The following PTPN14 variants were observed in gnomAD, a reference collection of about 807,000 sequenced individuals.
PTPN14 encodes the protein protein tyrosine phosphatase non-receptor type 14.
Under a neutral mutation model 126.8 loss-of-function variants are expected in PTPN14, and 53 were observed. The ratio of observed to expected loss-of-function variants is 0.42; its 90% CI spans 0.34 to 0.53. The LOEUF (loss-of-function observed/expected upper bound fraction) is 0.53, where lower values mean the gene tolerates loss of function less well. Ranked by LOEUF, PTPN14 falls within the 20% of genes least tolerant of loss-of-function variation. The pLI, the probability that PTPN14 is intolerant of heterozygous loss-of-function variation, is 0.08. For missense variants in PTPN14, 1,257 were observed against 1,552.9 expected (o/e 0.81, Z 3.20); for synonymous variants, 630 against 599.3 (o/e 1.05, Z -0.75).
chr1:214,549,345 TG>T (rs1205524816), intron 1 of PTPN14, among the ~76,000 whole-genome samples: 2 of 152,242 alleles, frequency 1.3e-5, no homozygotes, highest in African/African-American at 4.8e-5. Context: ...TGCAAGATAG[TG>T]TTTTCTATTT....
chr1:214,514,801 G>C (rs1655060741), intron 1 of PTPN14, among the ~76,000 whole-genome samples: 1 of 152,152 alleles, frequency 6.6e-6, no homozygotes, highest in Non-Finnish European at 1.5e-5. Flanking sequence ...GTGCCCTCCA[G>C]TCCTTCCTCT....
At chr1:214,370,997 C>CT (rs1658205590) in intron 16 of PTPN14, among the ~76,000 whole-genome samples, 1 of 152,188 alleles carries the variant, frequency 6.6e-6, no homozygotes, top group African/African-American at 2.4e-5. Context: ...GGAAGCATAC[C>CT]TTCCTCTTTT....
chr1:214,546,066 T>C (rs551050998), intron 1 of PTPN14, among the ~76,000 whole-genome samples: 9 of 152,220 alleles, frequency 5.9e-5, no homozygotes, highest in Non-Finnish European at 1.0e-4. Flanking sequence ...TTCAAACTGG[T>C]GCAGTGAAAA....
intron 3 of PTPN14, among the ~76,000 whole-genome samples, chr1:214,439,108 TA>T (rs1293119585): frequency 1.3e-5 from 2 of 152,250 alleles, no homozygotes; most frequent in Non-Finnish European, 2.9e-5. Context: ...TTTATTGTTT[TA>T]TTTCCAGCTA....
At chr1:214,449,329 CA>C (rs1660220533) in intron 3 of PTPN14, among the ~76,000 whole-genome samples, 1 of 152,208 alleles carries the variant, frequency 6.6e-6, no homozygotes, top group African/African-American at 2.4e-5. Context: ...TAAGCTTAAA[CA>C]ACCTTTTTCT....
intron 1 of PTPN14, among the ~76,000 whole-genome samples, chr1:214,489,711 C>T (rs1277219288): frequency 6.6e-6 from 1 of 152,146 alleles, no homozygotes; most frequent in African/African-American, 2.4e-5. Flanking sequence ...TCCAGAGCCT[C>T]GTAGGGTACT....
At chr1:214,372,863 TA>T (rs1216211874) in intron 15 of PTPN14, 24 bp from the exon 16 acceptor site, 2 of 1,613,072 alleles carry the variant, frequency 1.2e-6, no homozygotes, top group Middle Eastern at 1.7e-4. Context: ...AAAGTATCGG[TA>T]AATAAACCCC....
intron 3 of PTPN14, among the ~76,000 whole-genome samples, chr1:214,421,523 A>G (rs1207315518): frequency 6.6e-6 from 1 of 152,184 alleles, no homozygotes; most frequent in Non-Finnish European, 1.5e-5. Context: ...GGATTTACTC[A>G]GCACCATAAG....
At chr1:214,403,737 A>G (rs1659093445) in intron 5 of PTPN14, among the ~76,000 whole-genome samples, 1 of 152,216 alleles carries the variant, frequency 6.6e-6, no homozygotes, top group Non-Finnish European at 1.5e-5. Context: ...GAATAATCCA[A>G]AATAAGCAGA....
At chr1:214,365,989 A>C (rs962923780) in intron 17 of PTPN14, among the ~76,000 whole-genome samples, 7 of 152,194 alleles carry the variant, frequency 4.6e-5, no homozygotes, top group African/African-American at 1.7e-4. Flanking sequence ...AGATGATGAA[A>C]CCCTGTCTCT....
chr1:214,472,652 G>A lies in PTPN14; in HGVS notation c.-154-7695C>T, dbSNP rs189298286. Among the ~76,000 whole-genome samples the A allele has an allele frequency of 2.0e-3, 297 of 152,252 alleles. 1 individual carries two copies. The highest frequency in any genetic ancestry group is 3.4e-3 in the Non-Finnish European group (230 of 68,016). ...TTAAGGAATCTGGAACCTTAGATGG[G>A]TCTGAATTCTGGCTTCTTAAGAGAG... is the stretch of plus-strand genomic sequence containing the variant. On this transcript the variant is annotated intron_variant, in intron 1 of 18. Coordinates refer to ENST00000366956, the MANE Select transcript of PTPN14 (RefSeq NM_005401.5).
At chr1:214,470,503 C>A (rs1660729485) in intron 1 of PTPN14, among the ~76,000 whole-genome samples, 1 of 152,092 alleles carries the variant, frequency 6.6e-6, no homozygotes, top group African/African-American at 2.4e-5. Context: ...CTGCACTTGG[C>A]CAGGCACGGT....
At chr1:214,480,034 T>C (rs1660951803) in intron 1 of PTPN14, among the ~76,000 whole-genome samples, 1 of 152,238 alleles carries the variant, frequency 6.6e-6, no homozygotes, top group Non-Finnish European at 1.5e-5. Context: ...AACTGTTGCA[T>C]AATATTCCAG....
chr1:214,524,330 G>T (rs539536186), intron 1 of PTPN14, among the ~76,000 whole-genome samples: 473 of 152,134 alleles, frequency 3.1e-3, no homozygotes, highest in African/African-American at 0.011. Context: ...GCCTAGAAGA[G>T]GAAACAGTAT....
intron 2 of PTPN14, among the ~76,000 whole-genome samples, chr1:214,459,689 G>A (rs1369279816): frequency 2.0e-5 from 3 of 151,212 alleles, no homozygotes; most frequent in South Asian, 2.1e-4. Flanking sequence ...GGATGGACTC[G>A]ATCTCCTGAC....
At chr1:214,361,288 G>A (rs144334919) in intron 18 of PTPN14, among the ~76,000 whole-genome samples, 3 of 152,204 alleles carry the variant, frequency 2.0e-5, no homozygotes, top group South Asian at 2.1e-4. Flanking sequence ...TAGCTGTTAC[G>A]ATATTATTTT....
chr1:214,460,553 ACAG>A (rs954288231), intron 2 of PTPN14, among the ~76,000 whole-genome samples: 1 of 150,568 alleles, frequency 6.6e-6, no homozygotes, highest in African/African-American at 2.5e-5. Flanking sequence ...ACACACACAC[ACAG>A]ATCAGTGCAA....
At chr1:214,531,229 A>T (rs1655538286) in intron 1 of PTPN14, 1 of 152,158 alleles carries the variant, frequency 6.6e-6, no homozygotes, top group African/African-American at 2.4e-5. Context: ...GCCACCAGCA[A>T]CTACTACTGT....
At chr1:214,443,584 C>T (rs959643880) in intron 3 of PTPN14, among the ~76,000 whole-genome samples, 4 of 151,940 alleles carry the variant, frequency 2.6e-5, no homozygotes, top group Middle Eastern at 3.4e-3. Flanking sequence ...CAGAGGTGAA[C>T]GAACAGAGAT....
Sources: gnomAD v4.1 joint callset for allele counts (sites outside exome capture counted in the v4.1 genomes callset) on GRCh38, gnomAD v4.1.1 for gene constraint, MANE v1.5 for transcripts, NCBI Gene and HGNC (gene_info 2026-07-23, HGNC 2026-07-21) for gene names.